Variants in SEMA3B observed in about 807,000 individuals in gnomAD.
The protein encoded by SEMA3B is semaphorin 3B.
A neutral mutation model predicts 77.8 loss-of-function variants in SEMA3B; 71 were observed. The observed-to-expected ratio is 0.91, with a 90% CI of 0.75 to 1.11. The LOEUF is 1.11. Among genes scored for constraint, SEMA3B ranks in the 50% most tolerant of loss-of-function variants. The probability of loss-of-function intolerance (pLI) is 0.00; values close to 1 mark genes in which losing one functional copy is unlikely to be tolerated. For missense variants in SEMA3B, 968 were observed against 1,056.8 expected, an observed-to-expected ratio of 0.92 and a Z score of 1.17; for synonymous variants, 470 against 452.9, an observed-to-expected ratio of 1.04 and a Z score of -0.48.
Position 50,274,958 on chromosome 3 carries a change from C to A in SEMA3B, c.1449+24C>A, listed in dbSNP as rs782321911. On this transcript the variant is annotated intron_variant, in intron 12 of 16. Coordinates refer to ENST00000616701, the MANE Select transcript of SEMA3B (RefSeq NM_001290060.2). This position sits in a 1 kb window ranked among gnomAD's most constrained non-coding sequence, Gnocchi z 4.7. ...AGGTGAGGCCTCACCCCCAGTCGCC[C>A]GGGACCCCCCCACCCCACTAAGCCC... is the stretch of plus-strand genomic sequence containing the variant. 8.3e-5 allele frequency: 133 copies of A among 1,600,938 alleles called. No individual in the cohort carries two copies. Among genetic ancestry groups the A allele is most frequent in the Non-Finnish European group, 1.1e-4 (129 of 1,175,074 alleles).
chr3:50,263,411 A>T (rs1553704143), upstream of SEMA3B: 1 of 141,010 alleles, frequency 7.1e-6, no homozygotes, highest in Non-Finnish European at 1.5e-5. Flanking sequence ...AGGTGGGGGG[A>T]TCACTTGAGT....
chr3:50,275,552 C>T lies in SEMA3B; in HGVS notation c.1650-8C>T, dbSNP rs984381053. On this transcript the variant is annotated splice_region_variant and splice_polypyrimidine_tract_variant and intron_variant, in intron 14 of 16. Coordinates refer to ENST00000616701, the MANE Select transcript of SEMA3B (RefSeq NM_001290060.2). The surrounding 1 kb of genome is among the most constrained non-coding windows in gnomAD (Gnocchi z 7.5). ...AAGGGCTCACAGAAGATCGGATGTTCCCCACAGGCGGTTCCGGCGGCAAGA... is the reference window on the plus strand; with the variant it reads ...AAGGGCTCACAGAAGATCGGATGTTTCCCACAGGCGGTTCCGGCGGCAAGA... 4.3e-6 allele frequency: 7 copies of T among 1,613,630 alleles called. No individual in the cohort carries two copies. The African/African-American group carries it at 9.3e-5, about 22-fold the overall frequency.
At position 50,273,867 on chromosome 3, in the gene SEMA3B, C is replaced by A. The variant is rs13078905; in HGVS notation, c.992+39C>A. 1 of 1,569,656 alleles carries A rather than the reference C, an allele frequency of 6.4e-7. No individual in the cohort carries two copies. The highest frequency in any genetic ancestry group is 1.4e-5 in the African/African-American group (1 of 73,924). The stretch of plus-strand genomic sequence containing the variant: ...GGTAGGGAGCGCCCGGGGCGGGCCG[C>A]TGGGCTCCACCCGGCCCCTCACCTC... On this transcript the variant is annotated intron_variant, in intron 9 of 16. Coordinates refer to ENST00000616701, the MANE Select transcript of SEMA3B (RefSeq NM_001290060.2). The surrounding 1 kb of genome is among the most constrained non-coding windows in gnomAD (Gnocchi z 6.5).
chr3:50,273,464 AC>A lies in SEMA3B; in HGVS notation c.810+24del, dbSNP rs781795773. The A allele has an allele frequency of 6.2e-7, 1 of 1,610,988 alleles. No homozygotes were observed. The highest frequency in any genetic ancestry group is 1.1e-5 in the South Asian group (1 of 90,914). ...GCCGGGTGAGGAGTCCCTGGGCCAC[AC>A]CCGGCGACCCTGCCCCTACCCCTTT... On this transcript the variant is annotated intron_variant, in intron 7 of 16. Coordinates refer to ENST00000616701, the MANE Select transcript of SEMA3B (RefSeq NM_001290060.2). This position sits in a 1 kb window ranked among gnomAD's most constrained non-coding sequence, Gnocchi z 6.5.
chr3:50,261,001 G>A, the SEMA3B span: 1 of 152,426 alleles, frequency 6.6e-6, no homozygotes, highest in Non-Finnish European at 1.5e-5. Flanking sequence ...AGCCATGGGG[G>A]GCTGCAGGCA....
chr3:50,262,805 G>T (rs1700851158), upstream of SEMA3B, among the ~76,000 whole-genome samples: 2 of 152,306 alleles, frequency 1.3e-5, no homozygotes, highest in South Asian at 4.1e-4. Context: ...CAGGGTTAAG[G>T]GGTGTCCTTT....
At chr3:50,265,209 C>T (rs587771613), upstream of SEMA3B, among the ~76,000 whole-genome samples, 38 of 152,250 alleles carry the variant, frequency 2.5e-4, no homozygotes, top group East Asian at 9.7e-4. Flanking sequence ...ATCCTATGGC[C>T]GCCCACGCCT....
chr3:50,272,995 C>A lies in SEMA3B; in HGVS notation c.665-303C>A, dbSNP rs587680700. The A allele has an allele frequency of 2.1e-5, 8 of 372,974 alleles. No homozygotes were observed. In the East Asian group the frequency reaches 4.8e-4, roughly 22 times the overall value. The allele number at this position is 372,974 out of a possible 1,614,324, so 23.1% of individuals were successfully genotyped here. A position where few individuals can be genotyped will look rare whatever the true frequency, so the allele number is the denominator to read the frequency against. The stretch of plus-strand genomic sequence containing the variant: ...ACCAGATTACCTCATCTCCCTCCTA[C>A]CCCAGCCTAAGGTGCTGGGCGACGT... On this transcript the variant is annotated intron_variant, in intron 6 of 16. Transcript: ENST00000616701.
chr3:50,275,204 AGT>A lies in SEMA3B; in HGVS notation c.1492-95_1492-94del, dbSNP rs1201812679. The A allele has an allele frequency of 6.9e-7, 1 of 1,459,722 alleles. No homozygotes were observed. The highest frequency in any genetic ancestry group is 1.4e-5 in the South Asian group (1 of 71,516). The allele number at this position is 1,459,722 out of a possible 1,614,324, so 90.4% of individuals were successfully genotyped here. ...TGTGTGACCTGAGGCGTAAGACCTC[AGT>A]GTTCCCATCTGTCGAGTGGAAGAAG... On this transcript the variant is annotated intron_variant, in intron 13 of 16. Coordinates refer to ENST00000616701, the MANE Select transcript of SEMA3B (RefSeq NM_001290060.2). This position sits in a 1 kb window ranked among gnomAD's most constrained non-coding sequence, Gnocchi z 7.5.
upstream of SEMA3B, among the ~76,000 whole-genome samples, chr3:50,266,409 C>G (rs1463604756): frequency 6.6e-6 from 1 of 152,184 alleles, no homozygotes; most frequent in Admixed American, 6.5e-5. Flanking sequence ...TACCTGCCAG[C>G]TGGCCAGGCC....
chr3:50,264,589 C>G (rs899303253), upstream of SEMA3B, among the ~76,000 whole-genome samples: 2 of 152,194 alleles, frequency 1.3e-5, no homozygotes, highest in African/African-American at 2.4e-5. Flanking sequence ...AGCCCTCCCC[C>G]AGAGCATTCA....
At chr3:50,271,046 G>A (rs1553705258) in intron 4 of SEMA3B, 37 bp downstream of exon 4, 1 of 1,580,122 alleles carries the variant, frequency 6.3e-7, no homozygotes. Flanking sequence ...AGGTCAGGAG[G>A]GTAAGAAGGG....
At chr3:50,266,285 C>T (rs1700895842), upstream of SEMA3B, among the ~76,000 whole-genome samples, 2 of 152,170 alleles carry the variant, frequency 1.3e-5, no homozygotes, top group Admixed American at 1.3e-4. Flanking sequence ...CTAGAGGCAG[C>T]TACTCCTGGA....
intron 5 of SEMA3B, 80 bp downstream of exon 5, chr3:50,271,261 C>G: frequency 6.5e-7 from 1 of 1,546,160 alleles, no homozygotes; most frequent in Non-Finnish European, 8.7e-7. Context: ...CCCAAGAGCT[C>G]CAGGGAATCC....
Position 50,270,045 on chromosome 3 carries a change from G to A in SEMA3B, c.110-82G>A. On this transcript the variant is annotated intron_variant, in intron 1 of 16. Transcript: ENST00000616701. This position sits in a 1 kb window ranked among gnomAD's most constrained non-coding sequence, Gnocchi z 4.7. ...AGGCCAGGTCCTAATGGCAACCTTGGCCGATAGAGTCACCACCAGGCAGGA... is the reference window on the plus strand; with the variant it reads ...AGGCCAGGTCCTAATGGCAACCTTGACCGATAGAGTCACCACCAGGCAGGA... 2 of 1,420,752 alleles carry A rather than the reference G, an allele frequency of 1.4e-6. No homozygotes were observed. The highest frequency in any genetic ancestry group is 2.9e-5 in the South Asian group (2 of 68,812). The allele number at this position is 1,420,752 out of a possible 1,614,324, so 88.0% of individuals were successfully genotyped here. A position where few individuals can be genotyped will look rare whatever the true frequency, so the allele number is the denominator to read the frequency against.
chr3:50,274,259 CTG>C lies in SEMA3B; in HGVS notation c.1138-102_1138-101del, dbSNP rs1553706064. The C allele has an allele frequency of 1.2e-5, 15 of 1,227,336 alleles. No homozygotes were observed. Among genetic ancestry groups the C allele is most frequent in the Non-Finnish European group, 6.8e-6 (6 of 881,694 alleles). The allele number at this position is 1,227,336 out of a possible 1,614,324, so 76.0% of individuals were successfully genotyped here. A position where few individuals can be genotyped will look rare whatever the true frequency, so the allele number is the denominator to read the frequency against. On this transcript the variant is annotated intron_variant, in intron 10 of 16. Coordinates refer to ENST00000616701, the MANE Select transcript of SEMA3B (RefSeq NM_001290060.2). This position sits in a 1 kb window ranked among gnomAD's most constrained non-coding sequence, Gnocchi z 4.7. The stretch of plus-strand genomic sequence containing the variant: ...CCTCTCTAATTCTCAGGGCAGGGTT[CTG>C]TCCCCATCCCCCTCCATGTTCCCAG...
chr3:50,270,754 C>T lies in SEMA3B; in HGVS notation c.331-136C>T, dbSNP rs1701025366. On this transcript the variant is annotated intron_variant, in intron 3 of 16. Transcript: ENST00000616701. The surrounding 1 kb of genome is among the most constrained non-coding windows in gnomAD (Gnocchi z 4.7). ...AGGCCTGGGCTGGTCAGCAAGGGCC[C>T]CCAGGTCCCTGTAGCCCATGTTAGT... 1.6e-5 allele frequency: 23 copies of T among 1,422,032 alleles called. 1 individual carries two copies. The South Asian group carries it at 2.8e-4, about 17-fold the overall frequency. 88.1% of individuals were successfully genotyped at this position (1,422,032 alleles called of 1,614,324 possible).
chr3:50,275,333 T>G lies in SEMA3B; in HGVS notation c.1523T>G (p.Val508Gly). The G allele has an allele frequency of 6.3e-7, 1 of 1,580,336 alleles. No homozygotes were observed. Among genetic ancestry groups the G allele is most frequent in the African/African-American group, 1.3e-5 (1 of 74,260 alleles). Reference protein sequence around the residue: ...HQLYVASRSAVAQIALHRCAA... With the variant: ...HQLYVASRSAGAQIALHRCAA... ...CTGTACGTAGCCTCGCGGAGCGCGG[T>G]GGCCCAGATCGCGTTGCACCGCTGC... The change falls in exon 14 of 17, where the codon GTG becomes GGG. Residue 508 changes from valine (V) to glycine (G), a missense_variant. Val to Gly is a moderately radical substitution (Grantham distance 109, BLOSUM62 -3). Transcript: ENST00000616701. This position sits in a 1 kb window ranked among gnomAD's most constrained non-coding sequence, Gnocchi z 7.5.
In SEMA3B at chr3:50,276,033, C is replaced by T. The variant is rs1553706614; in HGVS notation, c.1845+189C>T. ...CCAACGGGGCTCCCGACCCGCCTCC[C>T]CTGAATCAAGGAGAAGACCCGCCCT... On this transcript the variant is annotated intron_variant, in intron 16 of 16. Transcript: ENST00000616701. The surrounding 1 kb of genome is among the most constrained non-coding windows in gnomAD (Gnocchi z 5.8). 9 of 905,012 alleles carry T rather than the reference C, an allele frequency of 9.9e-6. No individual in the cohort carries two copies. Among genetic ancestry groups the T allele is most frequent in the Non-Finnish European group, 1.5e-5 (9 of 619,816 alleles). The allele number at this position is 905,012 out of a possible 1,614,324, so 56.1% of individuals were successfully genotyped here.
Sources: allele counts gnomAD v4.1 joint callset (sites outside exome capture counted in the v4.1 genomes callset), GRCh38; gene constraint gnomAD v4.1.1; non-coding constraint Gnocchi (gnomAD v3.1); transcripts MANE v1.5; gene names NCBI Gene and HGNC (gene_info 2026-07-23, HGNC 2026-07-21).